CACNA1C: variants seen among roughly 807,000 people sequenced by gnomAD.
The protein encoded by CACNA1C is voltage-dependent L-type calcium channel subunit alpha-1C.
A neutral mutation model predicts 229.0 loss-of-function variants in CACNA1C; 30 were observed. That is an observed-to-expected ratio of 0.13 (90% CI 0.10 to 0.18). The LOEUF is 0.18. CACNA1C is among the 10% of genes least tolerant of loss of function. CACNA1C has a pLI of 1.00. For synonymous variants in CACNA1C, 1,114 were observed against 1,132.5 expected (o/e 0.98, Z 0.33); for missense variants, 1,658 against 2,845.0 (o/e 0.58, Z 9.49).
chr12:2,681,272 G>A (rs2097132954), intron 42 of CACNA1C, among the ~76,000 whole-genome samples: 1 of 152,200 alleles, frequency 6.6e-6, no homozygotes, highest in African/African-American at 2.4e-5. Flanking sequence ...TGTCCCCACA[G>A]ATATATCTCT....
chr12:2,191,850 TCA>T (rs996997112), intron 3 of CACNA1C, among the ~76,000 whole-genome samples: 5 of 63,930 alleles, frequency 7.8e-5, no homozygotes, highest in South Asian at 5.9e-4. Context: ...ACACATGCAC[TCA>T]CACATGTACT....
intron 1 of CACNA1C, among the ~76,000 whole-genome samples, chr12:2,006,897 G>A (rs1294164218): frequency 9.2e-5 from 14 of 152,170 alleles, no homozygotes. Context: ...TTGTGACTTT[G>A]TAAATTGGTT....
chr12:2,263,073 A>C (rs1227789032), intron 3 of CACNA1C, among the ~76,000 whole-genome samples: 1 of 152,218 alleles, frequency 6.6e-6, no homozygotes, highest in Non-Finnish European at 1.5e-5. Context: ...GGGTGGGGTT[A>C]TAGCTTTTAA....
intron 5 of CACNA1C, among the ~76,000 whole-genome samples, chr12:2,466,173 C>T (rs1042822527): frequency 1.3e-5 from 2 of 152,168 alleles, no homozygotes; most frequent in Non-Finnish European, 2.9e-5. Context: ...CACATTAGGG[C>T]TGCTAAAAGC....
intron 3 of CACNA1C, among the ~76,000 whole-genome samples, chr12:2,191,894 ACACACATG>A (rs1433921969): frequency 1.3e-5 from 2 of 150,506 alleles, no homozygotes; most frequent in African/African-American, 5.0e-5. Flanking sequence ...ACACACAGGC[ACACACATG>A]CACACATGGT....
intron 3 of CACNA1C, among the ~76,000 whole-genome samples, chr12:2,313,892 C>T (rs956154775): frequency 1.3e-5 from 2 of 152,188 alleles, no homozygotes; most frequent in African/African-American, 4.8e-5. Flanking sequence ...CCTGTCTGAG[C>T]AGGAAATAAT....
At chr12:2,521,852 G>A (rs534072465) in intron 9 of CACNA1C, among the ~76,000 whole-genome samples, 5 of 152,250 alleles carry the variant, frequency 3.3e-5, no homozygotes, top group Admixed American at 6.5e-5. Context: ...TTCTGCAGCC[G>A]ACTGTGTCAC....
At chr12:2,315,459 G>T (rs917520877) in intron 3 of CACNA1C, among the ~76,000 whole-genome samples, 1 of 152,062 alleles carries the variant, frequency 6.6e-6, no homozygotes, top group East Asian at 1.9e-4. Context: ...CCTTCTAGTC[G>T]CCACCTTTCT....
intron 8 of CACNA1C, among the ~76,000 whole-genome samples, chr12:2,510,421 C>T (rs1277280865): frequency 6.6e-6 from 1 of 152,212 alleles, no homozygotes; most frequent in Non-Finnish European, 1.5e-5. Flanking sequence ...ATCCCTCTCA[C>T]ACTCCCAAAA....
intron 3 of CACNA1C, among the ~76,000 whole-genome samples, chr12:2,315,988 G>A (rs898423889): frequency 8.5e-5 from 13 of 152,206 alleles, no homozygotes; most frequent in Admixed American, 7.2e-4. Flanking sequence ...TGTGTATAAA[G>A]GTGCTCCTGA....
At chr12:2,041,856 C>T (rs565478008) in intron 1 of CACNA1C, among the ~76,000 whole-genome samples, 1 of 152,362 alleles carries the variant, frequency 6.6e-6, no homozygotes, top group East Asian at 1.9e-4. Flanking sequence ...CAGGACCTTA[C>T]GGGGCTGCAG....
At chr12:2,600,567 G>A (rs2071465991) in intron 21 of CACNA1C, among the ~76,000 whole-genome samples, 2 of 152,224 alleles carry the variant, frequency 1.3e-5, no homozygotes. Flanking sequence ...GCCTGTCACA[G>A]CCCTTATCCT....
At chr12:2,523,881 C>T (rs1486133976) in intron 9 of CACNA1C, among the ~76,000 whole-genome samples, 1 of 152,192 alleles carries the variant, frequency 6.6e-6, no homozygotes, top group Non-Finnish European at 1.5e-5. Context: ...TACAGTTACC[C>T]TTGCCTCCCT....
rs2076457637 is a variant in CACNA1C, at chr12:2,608,957, A to G, written c.3558+245A>G. Among the ~76,000 whole-genome samples the G allele has an allele frequency of 6.6e-6, 1 of 152,232 alleles. No individual in the cohort carries two copies. Among genetic ancestry groups the G allele is most frequent in the Admixed American group, 6.5e-5 (1 of 15,286 alleles). ...CAAATATCTATGAAGCTTCTACTTAAGGATACTCTATGATAGGTTTTGTCA... is the reference window on the plus strand; with the variant it reads ...CAAATATCTATGAAGCTTCTACTTAGGGATACTCTATGATAGGTTTTGTCA... On this transcript the variant is annotated intron_variant, in intron 27 of 46. Coordinates refer to ENST00000399655, the MANE Select transcript of CACNA1C (RefSeq NM_000719.7). The surrounding 1 kb of genome is among the most constrained non-coding windows in gnomAD (Gnocchi z 4.2).
At chr12:2,686,840 C>T (rs1471440937) in intron 45 of CACNA1C, among the ~76,000 whole-genome samples, 1 of 152,250 alleles carries the variant, frequency 6.6e-6, no homozygotes, top group African/African-American at 2.4e-5. Flanking sequence ...CAGGACCAAA[C>T]ATGCCTTAGT....
intron 7 of CACNA1C, among the ~76,000 whole-genome samples, chr12:2,500,447 C>G (rs1041989180): frequency 2.0e-5 from 3 of 152,162 alleles, no homozygotes; most frequent in Non-Finnish European, 4.4e-5. Flanking sequence ...GTTAAATGTT[C>G]ACAAAATTTA....
At chr12:2,446,148 TATAG>T (rs2099275470) in intron 3 of CACNA1C, among the ~76,000 whole-genome samples, 1 of 149,940 alleles carries the variant, frequency 6.7e-6, no homozygotes, top group South Asian at 2.1e-4. Context: ...TGGATAAATG[TATAG>T]GTAGGTAGGT....
chr12:2,030,078 C>G (rs1251919833), intron 1 of CACNA1C, among the ~76,000 whole-genome samples: 1 of 152,198 alleles, frequency 6.6e-6, no homozygotes, highest in East Asian at 1.9e-4. Flanking sequence ...GGTGGGCCCT[C>G]TGGGTCTTGG....
intron 3 of CACNA1C, among the ~76,000 whole-genome samples, chr12:2,400,279 CCT>C (rs1595271128): frequency 6.6e-6 from 1 of 152,192 alleles, no homozygotes; most frequent in African/African-American, 2.4e-5. Flanking sequence ...TGCCCTATTG[CCT>C]CTCTCTGAAT....
Sources: allele counts gnomAD v4.1 joint callset (sites outside exome capture counted in the v4.1 genomes callset), GRCh38; gene constraint gnomAD v4.1.1; non-coding constraint Gnocchi (gnomAD v3.1); transcripts MANE v1.5; gene names NCBI Gene and HGNC (gene_info 2026-07-23, HGNC 2026-07-21).